WDFY4: variants seen among roughly 807,000 people sequenced by gnomAD.
WDFY4 encodes the protein WD repeat- and FYVE domain-containing protein 4.
In WDFY4, 169 loss-of-function variants were observed where a neutral mutation model predicts 351.9. That is an observed-to-expected ratio of 0.48 (90% CI 0.42 to 0.55). WDFY4 has a LOEUF of 0.55. Ranked by LOEUF, WDFY4 falls within the 20% of genes least tolerant of loss-of-function variation. The pLI, the probability that WDFY4 is intolerant of heterozygous loss-of-function variation, is 0.00. For synonymous variants in WDFY4, 1,622 were observed against 1,574.6 expected (o/e 1.03, Z -0.71); for missense variants, 3,803 against 3,935.6 (o/e 0.97, Z 0.90).
chr10:48,687,228 A>G (rs2063073314), intron 1 of WDFY4, among the ~76,000 whole-genome samples: 1 of 152,156 alleles, frequency 6.6e-6, no homozygotes, highest in South Asian at 2.1e-4. Flanking sequence ...TTGATTTGCC[A>G]TAATTCAATA....
chr10:48,842,633 A>G (rs1173557940), intron 39 of WDFY4, among the ~76,000 whole-genome samples: 1 of 152,242 alleles, frequency 6.6e-6, no homozygotes, highest in Non-Finnish European at 1.5e-5. Flanking sequence ...CCTAATGTGC[A>G]GCAAGCTCCT....
At chr10:48,980,066 C>T (rs1842746016) in intron 60 of WDFY4, 1 of 152,144 alleles carries the variant, frequency 6.6e-6, no homozygotes, top group Non-Finnish European at 1.5e-5. Flanking sequence ...GCCCCAGATC[C>T]ACAACCTTCC....
chr10:48,905,810 A>G (rs978675700), intron 47 of WDFY4, among the ~76,000 whole-genome samples: 7 of 152,248 alleles, frequency 4.6e-5, no homozygotes, highest in Admixed American at 2.6e-4. Context: ...ATTTGGGCTC[A>G]TAGTAGGTGC....
At chr10:48,981,664 T>C (rs1357303483) in intron 61 of WDFY4, among the ~76,000 whole-genome samples, 186 bp downstream of exon 61, 1 of 152,056 alleles carries the variant, frequency 6.6e-6, no homozygotes. Context: ...TTTTTCAGGG[T>C]TTTGTTGTTG....
intron 25 of WDFY4, among the ~76,000 whole-genome samples, chr10:48,804,113 G>T (rs1175880227): frequency 6.6e-6 from 1 of 152,196 alleles, no homozygotes; most frequent in Non-Finnish European, 1.5e-5. Context: ...GTTAGAAAGT[G>T]GTAGTTCCCA....
At chr10:48,723,354 C>A in intron 4 of WDFY4, 79 bp from the exon 5 acceptor site, 1 of 1,494,764 alleles carries the variant, frequency 6.7e-7, no homozygotes. Context: ...GAAATGGCTG[C>A]AGGGGCCTGA....
chr10:48,732,974 C>A (rs2064518499), intron 9 of WDFY4, among the ~76,000 whole-genome samples: 1 of 152,228 alleles, frequency 6.6e-6, no homozygotes, highest in South Asian at 2.1e-4. Flanking sequence ...TTATGAGTTG[C>A]TTTCTACTGC....
At chr10:48,742,876 G>C in intron 11 of WDFY4, 92 bp from the exon 12 acceptor site, 1 of 1,211,060 alleles carries the variant, frequency 8.3e-7, no homozygotes, top group Non-Finnish European at 1.1e-6. Context: ...GTTGAGGGAA[G>C]AGCTAGTGGG....
In WDFY4 at chr10:48,890,635, C is replaced by G; in HGVS notation, c.7224C>G (p.Val2408=). ...AGGGCCACCTGGTGTCAGAAGGGGT[C>G]CTGCTTTTTGGCCACCAACACTTCT... ...IVQGHLVSEG[V]LLFGHQHFYI... is the part of the protein sequence containing the mutation. The change falls in exon 44 of 62, where the codon GTC becomes GTG. Residue 2408 remains valine (V), a synonymous_variant. Transcript: ENST00000325239. The G allele has an allele frequency of 6.4e-7, 1 of 1,551,710 alleles. No individual in the cohort carries two copies. The highest frequency in any genetic ancestry group is 8.7e-7 in the Non-Finnish European group (1 of 1,147,000).
chr10:48,913,562 C>A, intron 47 of WDFY4: 1 of 1,614,116 alleles, frequency 6.2e-7, no homozygotes, highest in Non-Finnish European at 8.5e-7. Flanking sequence ...CCACAACATA[C>A]AAGTTCTCCA....
At chr10:48,930,606 G>A (rs1406551886) in intron 47 of WDFY4, among the ~76,000 whole-genome samples, 1 of 152,092 alleles carries the variant, frequency 6.6e-6, no homozygotes, top group Non-Finnish European at 1.5e-5. Flanking sequence ...ACACATGGAG[G>A]CCACTTCTAA....
intron 47 of WDFY4, among the ~76,000 whole-genome samples, chr10:48,911,743 G>A (rs1216884606): frequency 6.6e-6 from 1 of 152,152 alleles, no homozygotes; most frequent in Non-Finnish European, 1.5e-5. Context: ...AATGATGAAT[G>A]CTTTAAGCTA....
rs1250336937 is a variant in WDFY4 at position 48,836,044 on chromosome 10, T to C, written c.6663+3335T>C. ...AACTTGCCAGCTTTCAGACACTGCA[T>C]CCATCACTCAACTCTGTGAGATGCC... is the stretch of plus-strand genomic sequence containing the variant. On this transcript the variant is annotated intron_variant, in intron 39 of 61. Coordinates refer to ENST00000325239, the MANE Select transcript of WDFY4 (RefSeq NM_001394531.1). Among the ~76,000 whole-genome samples, 4 of 152,316 alleles carry C rather than the reference T, an allele frequency of 2.6e-5. No individual in the cohort carries two copies. The East Asian group carries it at 5.8e-4, about 22-fold the overall frequency.
rs374289050 is a variant in WDFY4, at chr10:48,923,496, G to GTATATATATATATATA, written c.7587-18308_7587-18293dup. Among the ~76,000 whole-genome samples the GTATATATATATATATA allele has an allele frequency of 2.2e-3, 141 of 63,172 alleles. 7 individuals are homozygous for GTATATATATATATATA. The highest frequency in any genetic ancestry group is 0.012 in the Middle Eastern group (1 of 86). The allele number at this position is 63,172 out of a possible 152,430, so 41.4% of individuals were successfully genotyped here. On this transcript the variant is annotated intron_variant, in intron 47 of 61. Coordinates refer to ENST00000325239, the MANE Select transcript of WDFY4 (RefSeq NM_001394531.1). The stretch of plus-strand genomic sequence containing the variant: ...TCAGGTAAACAACAAATAGTTTTTA[G>GTATATATATATATATA]TATATATATATATATATGTCCCAAA...
intron 12 of WDFY4, among the ~76,000 whole-genome samples, chr10:48,756,911 T>A (rs2065354743): frequency 1.3e-5 from 2 of 152,202 alleles, no homozygotes; most frequent in Middle Eastern, 3.4e-3. Context: ...ATACTGTGTT[T>A]TTCTGTTTTC....
chr10:48,737,583 G>A (rs2064713532), intron 11 of WDFY4, among the ~76,000 whole-genome samples: 1 of 152,208 alleles, frequency 6.6e-6, no homozygotes, highest in Non-Finnish European at 1.5e-5. Flanking sequence ...AGCATTGCGT[G>A]GTCCATCCAA....
Position 48,776,850 on chromosome 10 carries a change from A to G in WDFY4, c.2964A>G (p.Glu988=), listed in dbSNP as rs745324994. Residue 988 remains glutamate (E), a synonymous_variant, in exon 16 of 62, where the codon GAA becomes GAG. Coordinates refer to ENST00000325239, the MANE Select transcript of WDFY4 (RefSeq NM_001394531.1). ...GVTQAPQPLG[E]SQDSTTALQT... ...CACAGGCCCCGCAGCCCTTGGGGGA[A>G]TCCCAGGATTCAACTACTGCTCTTC... 1.9e-6 allele frequency: 3 copies of G among 1,551,670 alleles called. No homozygotes were observed. The highest frequency in any genetic ancestry group is 1.2e-5 in the South Asian group (1 of 84,062).
At chr10:48,725,616 T>C (rs973092442) in intron 5 of WDFY4, among the ~76,000 whole-genome samples, 2 of 152,222 alleles carry the variant, frequency 1.3e-5, no homozygotes. Context: ...ACAAATTCAA[T>C]TACTTCTTTA....
intron 39 of WDFY4, among the ~76,000 whole-genome samples, chr10:48,841,906 T>A (rs1224004868): frequency 6.6e-6 from 1 of 152,152 alleles, no homozygotes; most frequent in Non-Finnish European, 1.5e-5. Context: ...CAATTCTGAT[T>A]GAATCCTGAA....
Sources: allele counts gnomAD v4.1 joint callset (sites outside exome capture counted in the v4.1 genomes callset), GRCh38; gene constraint gnomAD v4.1.1; transcripts MANE v1.5; gene names NCBI Gene and HGNC (gene_info 2026-07-23, HGNC 2026-07-21).